C10orf67: variants seen among roughly 807,000 people sequenced by gnomAD.
C10orf67 encodes the protein chromosome 10 open reading frame 67, also known as uncharacterized protein C10orf67, mitochondrial.
C10orf67 carries 60 observed loss-of-function variants against 35.6 expected under a neutral mutation model. The observed-to-expected ratio is 1.68, with a 90% CI of 1.37 to 2.09. The LOEUF (loss-of-function observed/expected upper bound fraction) is 2.09, where lower values mean the gene tolerates loss of function less well. Ranked by LOEUF, C10orf67 falls within the 30% of genes most tolerant of loss-of-function variation. C10orf67 has a pLI of 0.00. For missense variants in C10orf67, 474 were observed against 330.2 expected (o/e 1.44, Z -3.38); for synonymous variants, 167 against 115.8 (o/e 1.44, Z -2.84).
At chr10:23,248,227 T>G (rs1842364791) in intron 12 of C10orf67, among the ~76,000 whole-genome samples, 1 of 152,164 alleles carries the variant, frequency 6.6e-6, no homozygotes. Context: ...GGTGGATGCA[T>G]GTGGATTGCC....
rs114177020 is a variant in C10orf67 at position 23,340,399 on chromosome 10, G to A, written c.206+4170C>T. ...GCTGGGCCTGGTGGCACACACCGGC[G>A]GCTCCACCTAGTCAGGAGGCTGAAG... On this transcript the variant is annotated intron_variant, in intron 1 of 15. Coordinates refer to ENST00000636213, the MANE Select transcript of C10orf67 (RefSeq NM_001371909.1). 7.0e-3 allele frequency among the ~76,000 whole-genome samples: 1,063 copies of A among 151,392 alleles called. 4 individuals are homozygous for A. Among genetic ancestry groups the A allele is most frequent in the African/African-American group, 0.024 (987 of 41,226 alleles).
rs528972167 is a variant in C10orf67 at position 23,204,314 on chromosome 10, A to G, written c.1571-59T>C. The G allele has an allele frequency of 8.2e-6, 4 of 488,584 alleles. No homozygotes were observed. In the South Asian group the frequency reaches 1.4e-4, roughly 17 times the overall value. 30.3% of individuals were successfully genotyped at this position (488,584 alleles called of 1,614,324 possible). On this transcript the variant is annotated intron_variant, in intron 15 of 15. Transcript: ENST00000636213. ...TTGTTTTACTTATCATACACAGACC[A>G]CTTCCCACTCTTCCCCCAAAGCATT...
intron 2 of C10orf67, among the ~76,000 whole-genome samples, chr10:23,330,601 G>C (rs1427613642): frequency 6.6e-6 from 1 of 152,042 alleles, no homozygotes; most frequent in Non-Finnish European, 1.5e-5. Flanking sequence ...TTAGCCGGGC[G>C]TGGTGGCCGG....
intron 13 of C10orf67, among the ~76,000 whole-genome samples, chr10:23,225,736 C>T (rs1253805933): frequency 2.6e-5 from 4 of 152,122 alleles, no homozygotes; most frequent in African/African-American, 9.7e-5. Flanking sequence ...TCTGATAAAA[C>T]AGACTTTAAA....
intron 4 of C10orf67, among the ~76,000 whole-genome samples, chr10:23,313,799 C>A (rs568617804): frequency 2.0e-3 from 306 of 152,172 alleles, no homozygotes; most frequent in Non-Finnish European, 3.6e-3. Context: ...CTAAGCCATG[C>A]TAAGGCACTT....
intron 13 of C10orf67, among the ~76,000 whole-genome samples, chr10:23,227,658 G>C (rs1369042036): frequency 6.6e-6 from 1 of 152,190 alleles, no homozygotes; most frequent in Non-Finnish European, 1.5e-5. Flanking sequence ...GTCCCTGTTT[G>C]CAGATGACAT....
At chr10:23,249,154 A>G (rs916120007) in intron 12 of C10orf67, among the ~76,000 whole-genome samples, 7 of 150,370 alleles carry the variant, frequency 4.7e-5, no homozygotes, top group Non-Finnish European at 7.4e-5. Context: ...AAAAAAAAAA[A>G]AAAAAAGAAA....
intron 10 of C10orf67, among the ~76,000 whole-genome samples, chr10:23,253,109 A>T (rs76139469): frequency 6.6e-6 from 1 of 152,208 alleles, no homozygotes; most frequent in Non-Finnish European, 1.5e-5. Context: ...CTCCCCAGCC[A>T]TGTGGAACTG....
At chr10:23,269,774 A>C (rs181719861) in intron 8 of C10orf67, among the ~76,000 whole-genome samples, 25 of 152,030 alleles carry the variant, frequency 1.6e-4, no homozygotes, top group Non-Finnish European at 2.6e-4. Flanking sequence ...GATGGAAGAA[A>C]TGCTAGAGCT....
intron 4 of C10orf67, chr10:23,318,774 C>G (rs766651268): frequency 4.3e-5 from 29 of 669,626 alleles, no homozygotes; most frequent in Non-Finnish European, 7.7e-5. Context: ...GGGTTGTTAT[C>G]TCATGAATAA....
At chr10:23,280,836 C>A (rs1221984592) in intron 8 of C10orf67, among the ~76,000 whole-genome samples, 1 of 152,182 alleles carries the variant, frequency 6.6e-6, no homozygotes, top group East Asian at 1.9e-4. Context: ...AGTTTAATTT[C>A]TTCTCTATTG....
chr10:23,211,681 A>G (rs933852171), intron 15 of C10orf67, among the ~76,000 whole-genome samples: 1 of 152,206 alleles, frequency 6.6e-6, no homozygotes, highest in African/African-American at 2.4e-5. Flanking sequence ...AGTTGTTTAC[A>G]AAGGTAAAGT....
chr10:23,321,838 G>A (rs573108945), intron 3 of C10orf67, among the ~76,000 whole-genome samples: 1 of 152,276 alleles, frequency 6.6e-6, no homozygotes, highest in Admixed American at 6.5e-5. Context: ...CCAGGCTAGA[G>A]TGCAGTGGTG....
chr10:23,204,875 G>A (rs1236278730), intron 15 of C10orf67, among the ~76,000 whole-genome samples: 3 of 152,108 alleles, frequency 2.0e-5, no homozygotes, highest in Non-Finnish European at 4.4e-5. Flanking sequence ...AGACAGGAAA[G>A]CCACAACATG....
intron 4 of C10orf67, among the ~76,000 whole-genome samples, chr10:23,310,418 G>A (rs1844454845): frequency 6.6e-6 from 1 of 152,166 alleles, no homozygotes; most frequent in Non-Finnish European, 1.5e-5. Flanking sequence ...CAACTATCTG[G>A]TGCAGAGGAG....
intron 13 of C10orf67, among the ~76,000 whole-genome samples, chr10:23,235,751 A>G (rs1269162802): frequency 1.3e-5 from 2 of 152,258 alleles, no homozygotes; most frequent in African/African-American, 4.8e-5. Flanking sequence ...AAAGATGCTC[A>G]ACGTCATTAA....
chr10:23,285,213 G>T (rs762549605), intron 7 of C10orf67, among the ~76,000 whole-genome samples: 9 of 151,824 alleles, frequency 5.9e-5, no homozygotes, highest in Non-Finnish European at 1.3e-4. Flanking sequence ...AGGAATCCAG[G>T]GTTCTAGATT....
intron 7 of C10orf67, among the ~76,000 whole-genome samples, chr10:23,284,110 G>A (rs1400171835): frequency 9.4e-6 from 1 of 106,474 alleles, no homozygotes; most frequent in Non-Finnish European, 2.1e-5. Flanking sequence ...GTGCATCCAG[G>A]GCTTAAAAAA....
At chr10:23,296,964 A>T (rs943319476) in intron 5 of C10orf67, among the ~76,000 whole-genome samples, 2 of 152,198 alleles carry the variant, frequency 1.3e-5, no homozygotes, top group African/African-American at 4.8e-5. Context: ...CCTAAGTGAA[A>T]GGTTTGGTGA....
Sources: allele counts gnomAD v4.1 joint callset (sites outside exome capture counted in the v4.1 genomes callset), GRCh38; gene constraint gnomAD v4.1.1; transcripts MANE v1.5; gene names NCBI Gene and HGNC (gene_info 2026-07-23, HGNC 2026-07-21).